STX8: variants seen among roughly 807,000 people sequenced by gnomAD.
STX8 encodes syntaxin-8.
In STX8, 23 loss-of-function variants were observed where a neutral mutation model predicts 37.5. That is an observed-to-expected ratio of 0.61 (90% CI 0.44 to 0.87). The LOEUF (loss-of-function observed/expected upper bound fraction) is 0.87, where lower values mean the gene tolerates loss of function less well. Among genes scored for constraint, STX8 ranks in the 40% least tolerant of loss-of-function variants. The pLI is 0.00. For missense variants in STX8, 313 were observed against 284.7 expected (o/e 1.10, Z -0.71); for synonymous variants, 115 against 99.1 (o/e 1.16, Z -0.95).
rs1376435224 is a variant in STX8, at chr17:9,327,279, A to G, written c.643+51273T>C. Among the ~76,000 whole-genome samples the G allele has an allele frequency of 1.5e-3, 224 of 148,558 alleles. 3 individuals carry two copies. Among genetic ancestry groups the G allele is most frequent in the African/African-American group, 5.0e-3 (196 of 38,834 alleles). ...GGAAGGAGGAGGAGGAAGGAGGAAGAAGGAAGAAAGAAGAAGAAGAAAGAA... is the reference window on the plus strand; with the variant it reads ...GGAAGGAGGAGGAGGAAGGAGGAAGGAGGAAGAAAGAAGAAGAAGAAAGAA... On this transcript the variant is annotated intron_variant, in intron 7 of 7. Transcript: ENST00000306357.
In STX8 at chr17:9,530,683, T is replaced by C. The variant is rs551879936; in HGVS notation, c.323+14489A>G. Among the ~76,000 whole-genome samples, 8 of 152,374 alleles carry C rather than the reference T, an allele frequency of 5.3e-5. 1 individual carries two copies. The highest frequency in any genetic ancestry group is 1.2e-4 in the African/African-American group (5 of 41,602). On this transcript the variant is annotated intron_variant, in intron 4 of 7. Transcript: ENST00000306357. The stretch of plus-strand genomic sequence containing the variant: ...GGTTGCTTGCCTTTTTCTTGACTTA[T>C]AGGGATTCTTCATATATCCAAGATA...
intron 7 of STX8, among the ~76,000 whole-genome samples, chr17:9,271,822 C>T (rs1478308859): frequency 6.6e-6 from 1 of 151,836 alleles, no homozygotes; most frequent in Non-Finnish European, 1.5e-5. Context: ...TTTTAACAAG[C>T]CTCCATGTGA....
At chr17:9,355,525 C>T (rs1324921880) in intron 7 of STX8, among the ~76,000 whole-genome samples, 5 of 137,680 alleles carry the variant, frequency 3.6e-5, no homozygotes, top group East Asian at 2.1e-4. Context: ...TTTTTTGAGA[C>T]GGAGTCTCAT....
intron 7 of STX8, among the ~76,000 whole-genome samples, chr17:9,373,113 A>C (rs1246717988): frequency 1.3e-5 from 2 of 151,400 alleles, no homozygotes; most frequent in African/African-American, 2.4e-5. Flanking sequence ...ATCTCAAAAA[A>C]AAAAAAAGAA....
chr17:9,314,227 A>G (rs548745125), intron 7 of STX8, among the ~76,000 whole-genome samples: 2 of 152,318 alleles, frequency 1.3e-5, no homozygotes, highest in South Asian at 2.1e-4. Flanking sequence ...GTGATTTCCA[A>G]TGTCCGTGAG....
chr17:9,334,378 G>A (rs1910073574), intron 7 of STX8, among the ~76,000 whole-genome samples: 1 of 152,106 alleles, frequency 6.6e-6, no homozygotes, highest in Admixed American at 6.6e-5. Context: ...AATTTTTTCT[G>A]GAAAAGAGCT....
At chr17:9,503,079 C>T (rs1904679840) in intron 5 of STX8, among the ~76,000 whole-genome samples, 1 of 112,454 alleles carries the variant, frequency 8.9e-6, no homozygotes, top group Non-Finnish European at 1.6e-5. Flanking sequence ...GCACTCCAGT[C>T]TAGGCAGCAA....
chr17:9,326,177 C>G (rs937767256), intron 7 of STX8, among the ~76,000 whole-genome samples: 1 of 151,666 alleles, frequency 6.6e-6, no homozygotes, highest in African/African-American at 2.4e-5. Flanking sequence ...GTCATCCAGG[C>G]TAGAGTGCAG....
intron 6 of STX8, 53 bp downstream of exon 6, chr17:9,491,776 C>T: frequency 1.4e-6 from 2 of 1,436,970 alleles, no homozygotes; most frequent in South Asian, 1.2e-5. Context: ...AATGCTCAAG[C>T]CTTTAGTATT....
chr17:9,378,374 C>G (rs1911672922), intron 7 of STX8, 178 bp downstream of exon 7: 1 of 571,952 alleles, frequency 1.7e-6, no homozygotes, highest in South Asian at 2.0e-5. Context: ...CCTTTGAACT[C>G]CATTTCATTT....
At chr17:9,556,465 A>G (rs924911822) in intron 3 of STX8, among the ~76,000 whole-genome samples, 4 of 152,104 alleles carry the variant, frequency 2.6e-5, no homozygotes, top group Non-Finnish European at 4.4e-5. Flanking sequence ...TATTTGAGAC[A>G]GGGTCACACT....
intron 6 of STX8, among the ~76,000 whole-genome samples, chr17:9,433,000 G>A (rs1914031835): frequency 6.6e-6 from 1 of 152,210 alleles, no homozygotes; most frequent in African/African-American, 2.4e-5. Flanking sequence ...GGATCAACAA[G>A]TTTCCTTTGT....
At chr17:9,284,979 T>C (rs1482205818) in intron 7 of STX8, among the ~76,000 whole-genome samples, 2 of 152,158 alleles carry the variant, frequency 1.3e-5, no homozygotes, top group East Asian at 1.9e-4. Flanking sequence ...CAGGGAACCT[T>C]GGCCTTAGGA....
chr17:9,308,469 A>G (rs974916422), intron 7 of STX8, among the ~76,000 whole-genome samples: 1 of 152,198 alleles, frequency 6.6e-6, no homozygotes, highest in Non-Finnish European at 1.5e-5. Context: ...TCACGCCTGT[A>G]ATCTCAGCAC....
At chr17:9,281,162 G>A (rs1907866632) in intron 7 of STX8, among the ~76,000 whole-genome samples, 1 of 152,190 alleles carries the variant, frequency 6.6e-6, no homozygotes, top group Non-Finnish European at 1.5e-5. Context: ...GGCAGAACTG[G>A]AACAGGAAGG....
intron 4 of STX8, among the ~76,000 whole-genome samples, chr17:9,511,518 TA>T (rs1262567652): frequency 6.6e-6 from 1 of 151,618 alleles, no homozygotes; most frequent in African/African-American, 2.4e-5. Context: ...ATAATCTGAA[TA>T]GATGCAGAAA....
rs1182563964 is a variant in STX8 at position 9,418,531 on chromosome 17, AC to A, written c.542-39879del. 1.7e-4 allele frequency among the ~76,000 whole-genome samples: 25 copies of A among 143,806 alleles called. No homozygotes were observed. The South Asian group carries it at 2.5e-3, about 14-fold the overall frequency. 94.3% of individuals were successfully genotyped at this position (143,806 alleles called of 152,430 possible). A position where few individuals can be genotyped will look rare whatever the true frequency, so the allele number is the denominator to read the frequency against. Reference sequence around the variant, plus strand: ...TCCGTTTTTCTAAAAAAAAAAAAAAACAAAAAAAAAAACAAGGCTGGGTGCA... The same window carrying A: ...TCCGTTTTTCTAAAAAAAAAAAAAAAAAAAAAAAAAACAAGGCTGGGTGCA... On this transcript the variant is annotated intron_variant, in intron 6 of 7. Transcript: ENST00000306357.
chr17:9,464,289 T>G (rs1472963122), intron 6 of STX8, among the ~76,000 whole-genome samples: 1 of 152,088 alleles, frequency 6.6e-6, no homozygotes, highest in Non-Finnish European at 1.5e-5. Flanking sequence ...ATGTAAATTA[T>G]GATCTGCAAT....
intron 6 of STX8, among the ~76,000 whole-genome samples, chr17:9,426,178 A>C (rs761288971): frequency 6.6e-6 from 1 of 152,158 alleles, no homozygotes; most frequent in Non-Finnish European, 1.5e-5. Flanking sequence ...TCACACCTGT[A>C]ATCTTAGCAC....
Sources: allele counts gnomAD v4.1 joint callset (sites outside exome capture counted in the v4.1 genomes callset), GRCh38; gene constraint gnomAD v4.1.1; transcripts MANE v1.5; gene names NCBI Gene and HGNC (gene_info 2026-07-23, HGNC 2026-07-21).